Variants in LRRC74A observed in about 807,000 individuals in gnomAD.
LRRC74A encodes the protein leucine rich repeat containing 74A.
Under a neutral mutation model 57.9 loss-of-function variants are expected in LRRC74A, and 44 were observed. That is an observed-to-expected ratio of 0.76 (90% CI 0.60 to 0.98). The LOEUF (loss-of-function observed/expected upper bound fraction) is 0.98. Among genes scored for constraint, LRRC74A ranks in the 50% least tolerant of loss-of-function variants. The pLI is 0.00. For synonymous variants in LRRC74A, 211 were observed against 219.4 expected (o/e 0.96, Z 0.34); for missense variants, 572 against 574.0 (o/e 1.00, Z 0.04).
At chr14:76,832,470 A>C (rs962725954) in intron 3 of LRRC74A, among the ~76,000 whole-genome samples, 1 of 152,104 alleles carries the variant, frequency 6.6e-6, no homozygotes, top group Non-Finnish European at 1.5e-5. Context: ...ATTGCACCCA[A>C]CTAATTTTTG....
intron 9 of LRRC74A, among the ~76,000 whole-genome samples, chr14:76,856,574 T>TGCTG (rs141710646): frequency 0.082 from 4,966 of 60,722 alleles, 256 homozygotes; most frequent in African/African-American, 0.17. Context: ...ATGAACAGAT[T>TGCTG]GCTGGCTGGC....
At position 76,853,221 on chromosome 14, in the gene LRRC74A, T is replaced by G. The variant is rs906477028; in HGVS notation, c.768T>G (p.Asn256Lys). The change falls in exon 9 of 14, where the codon AAT (asparagine) becomes AAG (lysine). Residue 256 changes from asparagine (N) to lysine (K), a missense_variant. Physicochemically the swap from Asn to Lys is moderately conservative, Grantham distance 94 (BLOSUM62 0). Transcript: ENST00000689127. ...GTTCTCCCCTCTTCCTGGAGGGTAA[T>G]GTGACCCTGACAAAGCTGGATCTCT... ...AVALCNGLRG[N>K]VTLTKLDLSM... is the part of the protein sequence containing the mutation. 14 of 1,610,338 alleles carry G rather than the reference T, an allele frequency of 8.7e-6. No individual in the cohort carries two copies. The Admixed American group carries it at 2.0e-4, about 23-fold the overall frequency.
At chr14:76,829,696 C>G (rs1432851420) in intron 2 of LRRC74A, among the ~76,000 whole-genome samples, 1 of 152,204 alleles carries the variant, frequency 6.6e-6, no homozygotes, top group African/African-American at 2.4e-5. Flanking sequence ...ACCTTCCCTG[C>G]TTTTGCCAAC....
intron 10 of LRRC74A, among the ~76,000 whole-genome samples, chr14:76,859,330 T>C (rs1277566391): frequency 1.3e-5 from 2 of 151,720 alleles, no homozygotes; most frequent in African/African-American, 4.8e-5. Context: ...AGGTCAAGAG[T>C]TCGAGACCAG....
intron 3 of LRRC74A, among the ~76,000 whole-genome samples, chr14:76,835,426 G>T (rs1896253751): frequency 6.6e-6 from 1 of 150,674 alleles, no homozygotes; most frequent in Non-Finnish European, 1.5e-5. Context: ...AGCAGAGGTT[G>T]CAGTGAGCCG....
chr14:76,844,806 G>A lies in LRRC74A; in HGVS notation c.595-14G>A, dbSNP rs749009244. ...GACAAAAAATCCTTCTCTTTCCCCT[G>A]TTTGTTTCTGTAGACCAATTACCAA... On this transcript the variant is annotated splice_polypyrimidine_tract_variant and intron_variant, in intron 6 of 13. Coordinates refer to ENST00000689127, the MANE Select transcript of LRRC74A (RefSeq NM_001385106.1). 2 of 1,436,308 alleles carry A rather than the reference G, an allele frequency of 1.4e-6. No individual in the cohort carries two copies. The highest frequency in any genetic ancestry group is 9.8e-7 in the Non-Finnish European group (1 of 1,019,422). The allele number at this position is 1,436,308 out of a possible 1,614,324, so 89.0% of individuals were successfully genotyped here.
chr14:76,844,362 G>A, intron 5 of LRRC74A, 61 bp from the exon 6 acceptor site: 7 of 1,475,256 alleles, frequency 4.7e-6, no homozygotes, highest in Non-Finnish European at 6.6e-6. Context: ...GGGGCAGGGG[G>A]TGGGAGAGGA....
chr14:76,846,472 C>T (rs573131780), intron 7 of LRRC74A, among the ~76,000 whole-genome samples: 1 of 151,972 alleles, frequency 6.6e-6, no homozygotes, highest in Non-Finnish European at 1.5e-5. Flanking sequence ...ATTACAGCAT[C>T]GCCATAAAAG....
chr14:76,865,575 A>G (rs1882841), intron 11 of LRRC74A, among the ~76,000 whole-genome samples: 149,005 of 152,334 alleles, frequency 0.98, 72,951 homozygotes, highest in Middle Eastern at 1. Context: ...ACAGCACACC[A>G]TCTATACCAG....
intron 3 of LRRC74A, among the ~76,000 whole-genome samples, chr14:76,833,490 G>A (rs1225949493): frequency 1.5e-5 from 2 of 136,288 alleles, no homozygotes; most frequent in African/African-American, 5.5e-5. Context: ...CTCCCAGGCT[G>A]GAGTGCAGGG....
intron 3 of LRRC74A, among the ~76,000 whole-genome samples, chr14:76,835,775 C>T (rs1896286207): frequency 1.3e-5 from 2 of 152,000 alleles, no homozygotes; most frequent in Admixed American, 6.6e-5. Context: ...AAAACTTAAG[C>T]GTAAATTAGA....
intron 10 of LRRC74A, among the ~76,000 whole-genome samples, chr14:76,858,590 C>T (rs1162111002): frequency 6.6e-6 from 1 of 152,084 alleles, no homozygotes; most frequent in Non-Finnish European, 1.5e-5. Flanking sequence ...TCCTCATTTT[C>T]CCATTTTACA....
At chr14:76,850,194 G>A (rs946772532) in intron 7 of LRRC74A, among the ~76,000 whole-genome samples, 2 of 152,060 alleles carry the variant, frequency 1.3e-5, no homozygotes, top group South Asian at 4.1e-4. Flanking sequence ...GGCGACAGAC[G>A]GAGACCCCGT....
At chr14:76,841,958 C>T (rs1177016169) in intron 5 of LRRC74A, among the ~76,000 whole-genome samples, 2 of 151,928 alleles carry the variant, frequency 1.3e-5, no homozygotes, top group Admixed American at 1.3e-4. Context: ...GTGATCCACC[C>T]GCCTCAGCCT....
chr14:76,836,454 A>T (rs1896346360), intron 4 of LRRC74A, 140 bp downstream of exon 4: 1 of 584,826 alleles, frequency 1.7e-6, no homozygotes, highest in African/African-American at 1.9e-5. Flanking sequence ...GACTTCTTAG[A>T]GGAGGGCCAC....
rs773555405 is a variant in LRRC74A at position 76,828,570 on chromosome 14, G to A, written c.166+151G>A. The A allele has an allele frequency of 4.1e-6, 5 of 1,218,138 alleles. No individual in the cohort carries two copies. The East Asian group carries it at 9.9e-5, about 24-fold the overall frequency. The allele number at this position is 1,218,138 out of a possible 1,614,324, so 75.5% of individuals were successfully genotyped here. On this transcript the variant is annotated intron_variant, in intron 2 of 13. Coordinates refer to ENST00000689127, the MANE Select transcript of LRRC74A (RefSeq NM_001385106.1). ...GTGGCAGAAAGGCCTGCTCGATTTT[G>A]CCTGGAGTCCTCCTCCGGGCTGGCA...
At chr14:76,850,274 T>C (rs1039756496) in intron 7 of LRRC74A, among the ~76,000 whole-genome samples, 2 of 152,128 alleles carry the variant, frequency 1.3e-5, no homozygotes, top group African/African-American at 4.8e-5. Context: ...GAAACAGATG[T>C]AAAGGAAGGA....
At chr14:76,862,335 G>C (rs1898373719) in intron 11 of LRRC74A, among the ~76,000 whole-genome samples, 1 of 152,164 alleles carries the variant, frequency 6.6e-6, no homozygotes, top group African/African-American at 2.4e-5. Context: ...TTTGAGACCA[G>C]CCTGGCCAAC....
At chr14:76,860,041 T>C (rs1178230766) in intron 10 of LRRC74A, among the ~76,000 whole-genome samples, 1 of 152,182 alleles carries the variant, frequency 6.6e-6, no homozygotes, top group African/African-American at 2.4e-5. Flanking sequence ...GAAATTCCTC[T>C]TTTGTAGATG....
Sources: allele counts gnomAD v4.1 joint callset (sites outside exome capture counted in the v4.1 genomes callset), GRCh38; gene constraint gnomAD v4.1.1; transcripts MANE v1.5; gene names NCBI Gene and HGNC (gene_info 2026-07-23, HGNC 2026-07-21).